UCN3: variants seen among roughly 807,000 people sequenced by gnomAD.
UCN3 encodes the protein urocortin 3.
UCN3 carries 3 observed loss-of-function variants against 3.6 expected under a neutral mutation model. That is an observed-to-expected ratio of 0.83 (90% CI 0.38 to 2.15). The LOEUF is 2.15. Ranked by LOEUF, UCN3 falls within the 30% of genes most tolerant of loss-of-function variation. The pLI, the probability that UCN3 is intolerant of heterozygous loss-of-function variation, is 0.06. For synonymous variants in UCN3, 100 were observed against 93.2 expected, an observed-to-expected ratio of 1.07 and a Z score of -0.42; for missense variants, 206 against 208.3, an observed-to-expected ratio of 0.99 and a Z score of 0.07.
intron 1 of UCN3, among the ~76,000 whole-genome samples, chr10:5,369,422 G>A (rs1831302348): frequency 6.6e-6 from 1 of 152,276 alleles, no homozygotes; most frequent in Non-Finnish European, 1.5e-5. Context: ...GTTTCTCATC[G>A]AATCCTTCAC....
chr10:5,370,409 ATG>A (rs797040983), intron 1 of UCN3, among the ~76,000 whole-genome samples: 635 of 24,046 alleles, frequency 0.026, 98 homozygotes, highest in African/African-American at 0.028. Context: ...GTGTGTGTAT[ATG>A]TGTGTGTGTA....
At chr10:5,371,539 G>T (rs1484925024) in intron 1 of UCN3, among the ~76,000 whole-genome samples, 1 of 152,098 alleles carries the variant, frequency 6.6e-6, no homozygotes, top group Admixed American at 6.6e-5. Flanking sequence ...GTCAGCGCTG[G>T]TTCTGTCCAT....
chr10:5,370,223 G>GTGTGTGTATATGCGTGTGTGTA (rs781842004), intron 1 of UCN3, among the ~76,000 whole-genome samples: 1 of 13,764 alleles, frequency 7.3e-5, no homozygotes, highest in Non-Finnish European at 1.1e-4. Context: ...GTGTGTGTAT[G>GTGTGTGTATATGCGTGTGTGTA]TGCGTGTGTG....
intron 1 of UCN3, among the ~76,000 whole-genome samples, chr10:5,371,265 G>C (rs1554811536): frequency 6.6e-6 from 1 of 151,426 alleles, no homozygotes; most frequent in Non-Finnish European, 1.5e-5. Flanking sequence ...AGGTGTGTGT[G>C]CGTGTATGTG....
At chr10:5,369,862 G>GTGTGTGTGTGTGTGTGTCTATATGTGT (rs1554811024) in intron 1 of UCN3, among the ~76,000 whole-genome samples, 1 of 99,520 alleles carries the variant, frequency 1.0e-5, no homozygotes, top group East Asian at 4.4e-4. Context: ...TATCCACGTG[G>GTGTGTGTGTGTGTGTGTCTATATGTGT]GTGTGTGTGT....
intron 1 of UCN3, among the ~76,000 whole-genome samples, chr10:5,368,941 C>A (rs546431616): frequency 6.6e-6 from 1 of 152,214 alleles, no homozygotes; most frequent in East Asian, 1.9e-4. Context: ...AGAGTGTGGC[C>A]CTCAGACCTC....
At chr10:5,372,675 G>C (rs1446122622) in intron 1 of UCN3, among the ~76,000 whole-genome samples, 2 of 151,412 alleles carry the variant, frequency 1.3e-5, no homozygotes, top group Non-Finnish European at 1.5e-5. Context: ...TCAGCCTCCT[G>C]AGTACCTGGG....
Position 5,370,092 on chromosome 10 carries a change from TGTGTATATGC to T in UCN3, c.-6-3618_-6-3609del, listed in dbSNP as rs1564442340. 3.7e-4 allele frequency among the ~76,000 whole-genome samples: 42 copies of T among 114,768 alleles called. 5 individuals carry two copies. Among genetic ancestry groups the T allele is most frequent in the Middle Eastern group, 5.4e-3 (1 of 186 alleles). 75.3% of individuals were successfully genotyped at this position (114,768 alleles called of 152,430 possible). Reference sequence around the variant, plus strand: ...GTGTGTATATGCGTGTGTATATGCGTGTGTATATGCGTGTGTATATGTGTGTGTATGTGTG... The same window carrying T: ...GTGTGTATATGCGTGTGTATATGCGTGTGTGTATATGTGTGTGTATGTGTG... On this transcript the variant is annotated intron_variant, in intron 1 of 1. Transcript: ENST00000380433.
chr10:5,369,937 G>GTGTGTA lies in UCN3; in HGVS notation c.-6-3777_-6-3776insGTGTAT, dbSNP rs1831323633. 1.8e-4 allele frequency among the ~76,000 whole-genome samples: 14 copies of GTGTGTA among 77,162 alleles called. 3 individuals are homozygous for GTGTGTA. Among genetic ancestry groups the GTGTGTA allele is most frequent in the African/African-American group, 6.4e-4 (12 of 18,836 alleles). The allele number at this position is 77,162 out of a possible 152,430, so 50.6% of individuals were successfully genotyped here. On this transcript the variant is annotated intron_variant, in intron 1 of 1. Transcript: ENST00000380433. The stretch of plus-strand genomic sequence containing the variant: ...TATATGTGTGTGTATGTGTGTGTGT[G>GTGTGTA]TATGTGTGTGTATATGTGTGTGTAT...
rs1554811764 is a variant in UCN3 at position 5,373,789 on chromosome 10, C to G, written c.69C>G (p.Pro23=). The G allele has an allele frequency of 6.2e-7, 1 of 1,614,030 alleles. No homozygotes were observed. The highest frequency in any genetic ancestry group is 8.5e-7 in the Non-Finnish European group (1 of 1,179,954). Residue 23 remains proline (P), a synonymous_variant, in exon 2 of 2, where the codon CCC becomes CCG. Coordinates refer to ENST00000380433, the MANE Select transcript of UCN3 (RefSeq NM_053049.4). The part of the protein sequence containing the change: ...LLLGGPRTGL[P]HKFYKAKPIF... ...TGGGGGGCCCCAGGACAGGCCTCCC[C>G]CACAAGTTCTACAAAGCCAAGCCCA...
At position 5,367,010 on chromosome 10, in the gene UCN3, G is replaced by A. The variant is rs1457528228; in HGVS notation, c.-7+1780G>A. ...GGTAGACTTGGGATTTGAAAAATAA[G>A]AAGGTAATGCATTTTTTAAAAGGCA... On this transcript the variant is annotated intron_variant, in intron 1 of 1. Coordinates refer to ENST00000380433, the MANE Select transcript of UCN3 (RefSeq NM_053049.4). This position sits in a 1 kb window ranked among gnomAD's most constrained non-coding sequence, Gnocchi z 4.3. Among the ~76,000 whole-genome samples the A allele has an allele frequency of 1.3e-5, 2 of 152,178 alleles. No individual in the cohort carries two copies. The highest frequency in any genetic ancestry group is 2.4e-5 in the African/African-American group (1 of 41,436).
intron 1 of UCN3, among the ~76,000 whole-genome samples, chr10:5,372,291 C>T (rs1831440723): frequency 6.6e-6 from 1 of 152,202 alleles, no homozygotes; most frequent in African/African-American, 2.4e-5. Flanking sequence ...GGACAGTGGC[C>T]ATGGGCAACC....
rs200776313 is a variant in UCN3, at chr10:5,369,927, G to A, written c.-6-3788G>A. Among the ~76,000 whole-genome samples the A allele has an allele frequency of 6.2e-3, 382 of 61,544 alleles. 8 individuals carry two copies. Among genetic ancestry groups the A allele is most frequent in the Middle Eastern group, 0.019 (2 of 104 alleles). The allele number at this position is 61,544 out of a possible 152,430, so 40.4% of individuals were successfully genotyped here. A position where few individuals can be genotyped will look rare whatever the true frequency, so the allele number is the denominator to read the frequency against. ...TGTGTGTGTGTATATGTGTGTGTAT[G>A]TGTGTGTGTGTATGTGTGTGTATAT... On this transcript the variant is annotated intron_variant, in intron 1 of 1. Coordinates refer to ENST00000380433, the MANE Select transcript of UCN3 (RefSeq NM_053049.4).
chr10:5,365,874 C>CG lies in UCN3; in HGVS notation c.-7+649dup. On this transcript the variant is annotated intron_variant, in intron 1 of 1. Transcript: ENST00000380433. This position sits in a 1 kb window ranked among gnomAD's most constrained non-coding sequence, Gnocchi z 4.4. ...GCCCTTTGCCACACTAGGAACATTG[C>CG]GGGGGTGTGTGCAGATACCTACAAT... is the stretch of plus-strand genomic sequence containing the variant. 6.6e-6 allele frequency among the ~76,000 whole-genome samples: 1 copy of CG among 152,240 alleles called. No individual in the cohort carries two copies. Among genetic ancestry groups the CG allele is most frequent in the African/African-American group, 2.4e-5 (1 of 41,546 alleles).
chr10:5,370,872 T>TGTGTGTATGTGCGTGTGTATGTGC (rs1831408703), intron 1 of UCN3, among the ~76,000 whole-genome samples: 1 of 81,678 alleles, frequency 1.2e-5, no homozygotes, highest in African/African-American at 5.1e-5. Flanking sequence ...CGTGTGTATG[T>TGTGTGTATGTGCGTGTGTATGTGC]GTGTGTATAT....
At position 5,370,481 on chromosome 10, in the gene UCN3, ATG is replaced by A. The variant is rs1298485200; in HGVS notation, c.-6-3228_-6-3227del. Among the ~76,000 whole-genome samples the A allele has an allele frequency of 6.5e-4, 14 of 21,698 alleles. 1 individual carries two copies. Among genetic ancestry groups the A allele is most frequent in the Admixed American group, 2.4e-3 (4 of 1,680 alleles). The allele number at this position is 21,698 out of a possible 152,430, so 14.2% of individuals were successfully genotyped here. ...TATATGTGTGTATATGCGTGTGTATATGTGTGTATGTGTGTGTATATGCGTGT... is the reference window on the plus strand; with the variant it reads ...TATATGTGTGTATATGCGTGTGTATATGTGTATGTGTGTGTATATGCGTGT... On this transcript the variant is annotated intron_variant, in intron 1 of 1. Transcript: ENST00000380433.
At position 5,374,375 on chromosome 10, in the gene UCN3, C is replaced by A; in HGVS notation, c.*169C>A. The A allele has an allele frequency of 1.5e-6, 1 of 670,176 alleles. No individual in the cohort carries two copies. The highest frequency in any genetic ancestry group is 2.5e-6 in the Non-Finnish European group (1 of 402,792). The allele number at this position is 670,176 out of a possible 1,614,324, so 41.5% of individuals were successfully genotyped here. A position where few individuals can be genotyped will look rare whatever the true frequency, so the allele number is the denominator to read the frequency against. On this transcript the variant is annotated 3_prime_UTR_variant, in exon 2 of 2. Transcript: ENST00000380433. ...CTGAGCCCCTCTGATCTCTTCTGGC[C>A]TTTGACCCTGTCTCCCTCCTGCTCT...
At chr10:5,369,800 G>A (rs1469895724) in intron 1 of UCN3, among the ~76,000 whole-genome samples, 1 of 152,130 alleles carries the variant, frequency 6.6e-6, no homozygotes, top group African/African-American at 2.4e-5. Context: ...CTGCAATGTG[G>A]AGAACCAAGG....
At chr10:5,372,623 C>T (rs1831445438) in intron 1 of UCN3, among the ~76,000 whole-genome samples, 1 of 152,144 alleles carries the variant, frequency 6.6e-6, no homozygotes, top group African/African-American at 2.4e-5. Context: ...AATCACAGTT[C>T]ACTGTAGCCT....
Sources: gnomAD v4.1 joint callset for allele counts (sites outside exome capture counted in the v4.1 genomes callset) on GRCh38, gnomAD v4.1.1 for gene constraint, Gnocchi (gnomAD v3.1) non-coding constraint, MANE v1.5 for transcripts, NCBI Gene and HGNC (gene_info 2026-07-23, HGNC 2026-07-21) for gene names.